NDUFAF2: variants seen among roughly 807,000 people sequenced by gnomAD.
The protein encoded by NDUFAF2 is NADH dehydrogenase [ubiquinone] 1 alpha subcomplex assembly factor 2.
In NDUFAF2, 13 loss-of-function variants were observed where a neutral mutation model predicts 22.8. The ratio of observed to expected loss-of-function variants is 0.57; its 90% CI spans 0.37 to 0.91. The LOEUF is 0.91. NDUFAF2 is among the 40% of genes least tolerant of loss of function. NDUFAF2 has a pLI of 0.01. For synonymous variants in NDUFAF2, 53 were observed against 64.2 expected (o/e 0.83, Z 0.84); for missense variants, 162 against 195.2 (o/e 0.83, Z 1.01).
At chr5:61,096,467 C>T (rs1190554799) in intron 2 of NDUFAF2, among the ~76,000 whole-genome samples, 2 of 151,724 alleles carry the variant, frequency 1.3e-5, no homozygotes, top group African/African-American at 2.4e-5. Context: ...GGCGTGGTGG[C>T]GAGTGCCTGT....
intron 1 of NDUFAF2, among the ~76,000 whole-genome samples, chr5:61,060,161 A>G (rs888300697): frequency 2.0e-5 from 3 of 152,164 alleles, no homozygotes; most frequent in South Asian, 2.1e-4. Context: ...AAAACATGAA[A>G]GGAACCTAAA....
chr5:61,084,599 T>G (rs1360739025), intron 2 of NDUFAF2, among the ~76,000 whole-genome samples: 1 of 152,212 alleles, frequency 6.6e-6, no homozygotes, highest in Non-Finnish European at 1.5e-5. Flanking sequence ...GGCTGATTTA[T>G]TTCCCTCAGC....
At chr5:60,953,353 T>A (rs1398628428) in intron 1 of NDUFAF2, among the ~76,000 whole-genome samples, 1 of 152,128 alleles carries the variant, frequency 6.6e-6, no homozygotes, top group East Asian at 1.9e-4. Context: ...TCTGCCAACC[T>A]ATAATTTTGT....
At chr5:60,984,651 T>A (rs1326968036) in intron 1 of NDUFAF2, among the ~76,000 whole-genome samples, 3 of 152,226 alleles carry the variant, frequency 2.0e-5, no homozygotes, top group African/African-American at 4.8e-5. Flanking sequence ...TCTATTGAGA[T>A]AATGTGGTTT....
At chr5:61,003,480 CAAAT>C (rs1751325288) in intron 1 of NDUFAF2, among the ~76,000 whole-genome samples, 1 of 151,798 alleles carries the variant, frequency 6.6e-6, no homozygotes, top group Non-Finnish European at 1.5e-5. Context: ...TACTATCCAT[CAAAT>C]AAAGGGTTAT....
chr5:60,980,288 T>C (rs1040671146), intron 1 of NDUFAF2, among the ~76,000 whole-genome samples: 1 of 152,132 alleles, frequency 6.6e-6, no homozygotes, highest in African/African-American at 2.4e-5. Context: ...CAGGAATACA[T>C]GATCTCACCA....
At chr5:61,030,814 C>T (rs1751713555) in intron 1 of NDUFAF2, among the ~76,000 whole-genome samples, 1 of 152,034 alleles carries the variant, frequency 6.6e-6, no homozygotes, top group Admixed American at 6.6e-5. Context: ...CTTCATATAA[C>T]TAATGAGGTC....
At chr5:61,034,910 A>G (rs1044014328) in intron 1 of NDUFAF2, among the ~76,000 whole-genome samples, 12 of 89,408 alleles carry the variant, frequency 1.3e-4, no homozygotes, top group Admixed American at 5.4e-4. Flanking sequence ...AGGCAAATAT[A>G]TATGTGTGTG....
chr5:61,107,434 A>G (rs1281055202), intron 3 of NDUFAF2, among the ~76,000 whole-genome samples: 1 of 151,176 alleles, frequency 6.6e-6, no homozygotes, highest in East Asian at 1.9e-4. Flanking sequence ...TAATCTGTTC[A>G]TTAGATTTTT....
intron 1 of NDUFAF2, among the ~76,000 whole-genome samples, chr5:61,001,210 C>T (rs897996684): frequency 3.4e-4 from 51 of 152,138 alleles, no homozygotes; most frequent in African/African-American, 1.2e-3. Context: ...CAATTCCCCT[C>T]AAGGCTTTTC....
At chr5:60,961,765 C>CAA (rs11333036) in intron 1 of NDUFAF2, among the ~76,000 whole-genome samples, 3 of 114,764 alleles carry the variant, frequency 2.6e-5, no homozygotes, top group African/African-American at 1.0e-4. Flanking sequence ...GACTCTGTCT[C>CAA]AAAAAAAAAA....
intron 1 of NDUFAF2, among the ~76,000 whole-genome samples, chr5:61,072,251 A>C (rs978237113): frequency 2.6e-5 from 4 of 152,240 alleles, no homozygotes; most frequent in African/African-American, 9.6e-5. Context: ...TACCATAGCC[A>C]TAACCAAACC....
At chr5:61,012,115 T>A (rs1022591869) in intron 1 of NDUFAF2, among the ~76,000 whole-genome samples, 5 of 152,194 alleles carry the variant, frequency 3.3e-5, no homozygotes, top group African/African-American at 1.2e-4. Context: ...TTTTGTTTTT[T>A]AGGTTTCTCA....
chr5:61,014,122 A>G (rs1751477636), intron 1 of NDUFAF2, among the ~76,000 whole-genome samples: 1 of 152,250 alleles, frequency 6.6e-6, no homozygotes, highest in Non-Finnish European at 1.5e-5. Flanking sequence ...AGACCAAGAC[A>G]TGATTAAGAT....
chr5:61,049,416 T>C (rs1751995072), intron 1 of NDUFAF2, among the ~76,000 whole-genome samples: 1 of 152,180 alleles, frequency 6.6e-6, no homozygotes, highest in East Asian at 1.9e-4. Context: ...TTACAAAATC[T>C]GTAGTTTGTG....
At chr5:60,994,372 G>A (rs162247) in intron 1 of NDUFAF2, among the ~76,000 whole-genome samples, 96,591 of 151,972 alleles carry the variant, frequency 0.64, 31,128 homozygotes, top group East Asian at 0.94. Context: ...GGAGGCCCGG[G>A]TCCACAGCCA....
chr5:61,112,301 A>G (rs1440533666), intron 3 of NDUFAF2, among the ~76,000 whole-genome samples: 12 of 148,034 alleles, frequency 8.1e-5, no homozygotes, highest in Admixed American at 6.7e-5. Flanking sequence ...GCAACCTCCA[A>G]CTCCCTGGTT....
At chr5:60,966,934 T>C (rs535810665) in intron 1 of NDUFAF2, among the ~76,000 whole-genome samples, 40 of 152,204 alleles carry the variant, frequency 2.6e-4, no homozygotes, top group African/African-American at 9.4e-4. Flanking sequence ...TTGCATAGGG[T>C]AGTATGAATA....
At chr5:61,076,848 AAAG>A (rs1488585173) in intron 2 of NDUFAF2, among the ~76,000 whole-genome samples, 9 of 152,204 alleles carry the variant, frequency 5.9e-5, no homozygotes, top group African/African-American at 2.2e-4. Flanking sequence ...GTGGGAGTGG[AAAG>A]AAGAAGTTGC....
Sources: allele counts gnomAD v4.1 joint callset (sites outside exome capture counted in the v4.1 genomes callset), GRCh38; gene constraint gnomAD v4.1.1; transcripts MANE v1.5; gene names NCBI Gene and HGNC (gene_info 2026-07-23, HGNC 2026-07-21).